Variants in SMIM43 observed in about 807,000 individuals in gnomAD.
SMIM43 encodes the protein small integral membrane protein 43.
Position 121,764,874 on chromosome 4 carries a change from C to T in SMIM43, c.*40G>A, listed in dbSNP as rs1299576636. 5 of 397,832 alleles carry T rather than the reference C, an allele frequency of 1.3e-5. 1 individual carries two copies. The South Asian group carries it at 3.9e-4, about 31-fold the overall frequency. 24.6% of individuals were successfully genotyped at this position (397,832 alleles called of 1,614,324 possible). ...CGAGGCGGAGACCCAGCCCAGCGCC[C>T]GCGCAGCTCGGTGCCCTCCCGCCAG... On this transcript the variant is annotated 3_prime_UTR_variant, in exon 1 of 6. Coordinates refer to ENST00000643802, the MANE Select transcript of SMIM43 (RefSeq NM_001384332.1).
In SMIM43 at chr4:121,759,374, T is replaced by C. The variant is rs1317487249; in HGVS notation, c.*1600A>G. On this transcript the variant is annotated 3_prime_UTR_variant, in exon 6 of 6. Transcript: ENST00000643802. The stretch of plus-strand genomic sequence containing the variant: ...CAAGCCCATGACTGACCCACACCTC[T>C]CCCAGCTGGTTCTACAACACAAGAA... 1 of 152,188 alleles carries C rather than the reference T, an allele frequency of 6.6e-6. No homozygotes were observed. The highest frequency in any genetic ancestry group is 1.5e-5 in the Non-Finnish European group (1 of 68,040). 9.4% of individuals were successfully genotyped at this position (152,188 alleles called of 1,614,324 possible).
chr4:121,764,915 C>A lies in SMIM43; in HGVS notation c.191G>T (p.Ter64LeuextTer39). ...PWGFSREQAV[*>L] Reference sequence around the variant, plus strand: ...CTCCCGCCAGTGCCCGCACTCGGGTCACACCGCTTGCTCTCGGGAGAAGCC... The same window carrying A: ...CTCCCGCCAGTGCCCGCACTCGGGTAACACCGCTTGCTCTCGGGAGAAGCC... The change falls in exon 1 of 6, where the codon TGA becomes TTA. Residue 64 changes from the stop codon to leucine (L), a stop_lost. Transcript: ENST00000643802. 2 of 398,416 alleles carry A rather than the reference C, an allele frequency of 5.0e-6. No homozygotes were observed. The highest frequency in any genetic ancestry group is 2.6e-4 in the South Asian group (2 of 7,810). The allele number at this position is 398,416 out of a possible 1,614,324, so 24.7% of individuals were successfully genotyped here. A position where few individuals can be genotyped will look rare whatever the true frequency, so the allele number is the denominator to read the frequency against.
chr4:121,765,177 C>A (rs1379776433), upstream of SMIM43: 4 of 390,620 alleles, frequency 1.0e-5, no homozygotes, highest in Non-Finnish European at 1.8e-5. Flanking sequence ...GCGCGCCGCC[C>A]GCACACCCAC....
In SMIM43 at chr4:121,761,711, A is replaced by G. The variant is rs1308571616; in HGVS notation, c.*342-16T>C. 5 of 1,610,874 alleles carry G rather than the reference A, an allele frequency of 3.1e-6. No homozygotes were observed. Among genetic ancestry groups the G allele is most frequent in the Middle Eastern group, 1.7e-4 (1 of 6,054 alleles). ...CAGCTGTGCCCTAAAATTGAAGTTC[A>G]GACATAGGAATCTACTTTATTAGAC... On this transcript the variant is annotated splice_polypyrimidine_tract_variant and intron_variant, in intron 4 of 5. Transcript: ENST00000643802.
intron 3 of SMIM43, among the ~76,000 whole-genome samples, 152 bp from the exon 4 acceptor site, chr4:121,762,044 TA>T (rs1274030567): frequency 6.6e-6 from 1 of 152,192 alleles, no homozygotes; most frequent in Non-Finnish European, 1.5e-5. Context: ...TTATTGAAAA[TA>T]AAACACAGGA....
intron 3 of SMIM43, 185 bp downstream of exon 3, chr4:121,762,542 T>C (rs1726125298): frequency 1.3e-5 from 2 of 152,226 alleles, no homozygotes; most frequent in South Asian, 2.1e-4. Context: ...GGTTGAGTAA[T>C]AGGAATAAAT....
chr4:121,761,790 G>C (rs1175604852), intron 4 of SMIM43, 40 bp downstream of exon 4: 1 of 1,611,248 alleles, frequency 6.2e-7, no homozygotes, highest in Admixed American at 1.7e-5. Flanking sequence ...ACTTAAAATG[G>C]TTATCTTGCC....
At chr4:121,763,127 A>G (rs1726158283) in intron 2 of SMIM43, among the ~76,000 whole-genome samples, 2 of 152,310 alleles carry the variant, frequency 1.3e-5, no homozygotes, top group African/African-American at 2.4e-5. Context: ...TGCTCATACC[A>G]TAATAATTAA....
chr4:121,763,498 C>T (rs1340738181), intron 2 of SMIM43, among the ~76,000 whole-genome samples: 1 of 152,054 alleles, frequency 6.6e-6, no homozygotes, highest in Non-Finnish European at 1.5e-5. Flanking sequence ...TCAAAAGGGC[C>T]GAATGATTAT....
chr4:121,761,501 C>A (rs1578476603), intron 5 of SMIM43, 37 bp downstream of exon 5: 2 of 1,515,230 alleles, frequency 1.3e-6, no homozygotes, highest in Non-Finnish European at 1.8e-6. Flanking sequence ...TATAGAATGT[C>A]AAACTAAAAA....
In SMIM43 at chr4:121,762,742, G is replaced by A. The variant is rs539292600; in HGVS notation, c.*263C>T. The A allele has an allele frequency of 1.2e-4, 18 of 152,256 alleles. No homozygotes were observed. Among genetic ancestry groups the A allele is most frequent in the African/African-American group, 4.3e-4 (18 of 41,550 alleles). The allele number at this position is 152,256 out of a possible 1,614,324, so 9.4% of individuals were successfully genotyped here. ...AACTACTCACCCTGACTTTTCAATA[G>A]TCTCTTGTTTAGGAAGAATGATGGG... is the stretch of plus-strand genomic sequence containing the variant. On this transcript the variant is annotated 3_prime_UTR_variant, in exon 3 of 6. Transcript: ENST00000643802.
intron 2 of SMIM43, 47 bp downstream of exon 2, chr4:121,763,717 T>A (rs1463956166): frequency 6.6e-6 from 1 of 152,154 alleles, no homozygotes; most frequent in Non-Finnish European, 1.5e-5. Context: ...TTTAGAAGTT[T>A]AGTCATAACT....
At chr4:121,763,951 G>T (rs551073558) in intron 1 of SMIM43, 79 bp from the exon 2 acceptor site, 1 of 152,166 alleles carries the variant, frequency 6.6e-6, no homozygotes, top group East Asian at 1.9e-4. Context: ...TTAGCGAGAG[G>T]GTACTTAGGG....
chr4:121,760,364 G>A lies in SMIM43; in HGVS notation c.*610C>T. 1 of 1,612,290 alleles carries A rather than the reference G, an allele frequency of 6.2e-7. No individual in the cohort carries two copies. Among genetic ancestry groups the A allele is most frequent in the African/African-American group, 1.3e-5 (1 of 74,964 alleles). ...CAATGAGATGAAGGCAAAAGTTATT[G>A]GGCTGCTGAGGAAGCTCTTTAAAAG... On this transcript the variant is annotated 3_prime_UTR_variant, in exon 6 of 6. Coordinates refer to ENST00000643802, the MANE Select transcript of SMIM43 (RefSeq NM_001384332.1).
At chr4:121,764,586 T>C (rs886747654) in intron 1 of SMIM43, 7 of 259,312 alleles carry the variant, frequency 2.7e-5, no homozygotes, top group Admixed American at 1.1e-4. Context: ...GAGCTTGCAG[T>C]TGTCCAAAGT....
At chr4:121,764,692 C>T (rs1041228683) in intron 1 of SMIM43, 125 bp downstream of exon 1, 1 of 386,988 alleles carries the variant, frequency 2.6e-6, no homozygotes, top group African/African-American at 2.1e-5. Flanking sequence ...CCAGCCCAGA[C>T]CCCATACACC....
Position 121,760,224 on chromosome 4 carries a change from T to C in SMIM43, c.*750A>G. On this transcript the variant is annotated 3_prime_UTR_variant, in exon 6 of 6. Coordinates refer to ENST00000643802, the MANE Select transcript of SMIM43 (RefSeq NM_001384332.1). ...GTCCTCCCAAGATCCACCATCATCT[T>C]CTTCTTCATCAAGAGAAACTGGATT... 2 of 1,533,518 alleles carry C rather than the reference T, an allele frequency of 1.3e-6. No homozygotes were observed. Among genetic ancestry groups the C allele is most frequent in the South Asian group, 2.6e-5 (2 of 75,964 alleles). 95.0% of individuals were successfully genotyped at this position (1,533,518 alleles called of 1,614,324 possible).
intron 5 of SMIM43, among the ~76,000 whole-genome samples, chr4:121,761,167 C>T (rs1333277287): frequency 6.6e-6 from 1 of 151,854 alleles, no homozygotes; most frequent in Non-Finnish European, 1.5e-5. Flanking sequence ...CAATTCTTAA[C>T]CTTCTCTTGT....
chr4:121,760,979 C>G (rs1167704339), intron 5 of SMIM43, among the ~76,000 whole-genome samples: 1 of 152,110 alleles, frequency 6.6e-6, no homozygotes, highest in Non-Finnish European at 1.5e-5. Flanking sequence ...GGTCTGAACG[C>G]CCTTCTGATA....
Sources: gnomAD v4.1 joint callset for allele counts (sites outside exome capture counted in the v4.1 genomes callset) on GRCh38, gnomAD v4.1.1 for gene constraint, MANE v1.5 for transcripts, NCBI Gene and HGNC (gene_info 2026-07-23, HGNC 2026-07-21) for gene names.